Variants in STC2 observed in about 807,000 individuals in gnomAD.
STC2 encodes stanniocalcin-2.
STC2 carries 7 observed loss-of-function variants against 22.7 expected under a neutral mutation model. The observed-to-expected ratio is 0.31, with a 90% CI of 0.18 to 0.58. STC2 has a LOEUF of 0.58. STC2 is among the 20% of genes least tolerant of loss of function. The probability of loss-of-function intolerance (pLI) is 0.89; values close to 1 mark genes in which losing one functional copy is unlikely to be tolerated. For missense variants in STC2, 336 were observed against 406.2 expected (o/e 0.83, Z 1.48); for synonymous variants, 158 against 163.4 (o/e 0.97, Z 0.25).
intron 1 of STC2, among the ~76,000 whole-genome samples, chr5:173,327,202 G>T (rs1404594584): frequency 1.3e-5 from 2 of 152,262 alleles, no homozygotes; most frequent in Non-Finnish European, 2.9e-5. Flanking sequence ...ATTCCAGCTC[G>T]TGCGGTGAGC....
Position 173,325,940 on chromosome 5 carries a change from G to A in STC2, c.222C>T (p.Asn74=), listed in dbSNP as rs1180279135. The change falls in exon 2 of 4, where the codon AAC becomes AAT. Residue 74 remains asparagine (N), a synonymous_variant. Coordinates refer to ENST00000265087, the MANE Select transcript of STC2 (RefSeq NM_003714.3). This position sits in a 1 kb window ranked among gnomAD's most constrained non-coding sequence, Gnocchi z 4.7. ...CATGTAAGCCCCGAATCTCACAAGA[G>A]TTGTTCTCGAAACATTCAAACACGC... The part of the protein sequence containing the change: ...GCGVFECFEN[N]SCEIRGLHGI... 11 of 1,614,186 alleles carry A rather than the reference G, an allele frequency of 6.8e-6. No individual in the cohort carries two copies. The highest frequency in any genetic ancestry group is 9.3e-6 in the Non-Finnish European group (11 of 1,180,044).
intron 3 of STC2, among the ~76,000 whole-genome samples, chr5:173,319,553 C>G (rs1167507598): frequency 6.6e-6 from 1 of 152,218 alleles, no homozygotes; most frequent in Non-Finnish European, 1.5e-5. Context: ...GCCCATGGAG[C>G]CTTTTCTTTG....
At chr5:173,326,944 A>C (rs575557624) in intron 1 of STC2, 5 of 152,238 alleles carry the variant, frequency 3.3e-5, no homozygotes, top group African/African-American at 1.2e-4. Flanking sequence ...GATAACCCGC[A>C]TCAGATTAAA....
Position 173,328,290 on chromosome 5 carries a change from C to A in STC2, c.-97G>T, listed in dbSNP as rs542699526. On this transcript the variant is annotated 5_prime_UTR_variant, in exon 1 of 4. Coordinates refer to ENST00000265087, the MANE Select transcript of STC2 (RefSeq NM_003714.3). ...CTCCTTCGCCGCTTCCCCTCCTCCT[C>A]CCACTCTTCCTTTTTGCTCGCCTTT... 25 of 1,287,380 alleles carry A rather than the reference C, an allele frequency of 1.9e-5. No homozygotes were observed. Among genetic ancestry groups the A allele is most frequent in the Non-Finnish European group, 2.2e-5 (22 of 985,388 alleles). 79.7% of individuals were successfully genotyped at this position (1,287,380 alleles called of 1,614,324 possible). A position where few individuals can be genotyped will look rare whatever the true frequency, so the allele number is the denominator to read the frequency against.
rs114335773 is a variant in STC2, at chr5:173,321,037, G to A, written c.506+2182C>T. On this transcript the variant is annotated intron_variant, in intron 3 of 3. Transcript: ENST00000265087. ...GGGGAGACCCCTGCCTAGAGATGCT[G>A]ACTTAGGGGGAAGCAAGAGGAACAG... Among the ~76,000 whole-genome samples, 779 of 152,154 alleles carry A rather than the reference G, an allele frequency of 5.1e-3. 5 individuals are homozygous for A. The highest frequency in any genetic ancestry group is 0.017 in the African/African-American group (718 of 41,514).
intron 1 of STC2, among the ~76,000 whole-genome samples, chr5:173,326,239 A>G (rs1037098980): frequency 7.9e-5 from 12 of 152,226 alleles, no homozygotes; most frequent in African/African-American, 2.7e-4. Context: ...GAGCCGAAAA[A>G]TTACAAAAAT....
At chr5:173,321,590 C>T (rs1762486354) in intron 3 of STC2, among the ~76,000 whole-genome samples, 1 of 152,206 alleles carries the variant, frequency 6.6e-6, no homozygotes, top group East Asian at 1.9e-4. Flanking sequence ...AGGCTGGGAG[C>T]AGGTTTGAAG....
At position 173,318,020 on chromosome 5, in the gene STC2, GGTGATGTCCTGCTTCCCC is replaced by G. The variant is rs1339152240; in HGVS notation, c.718_735del (p.Gly240_His245del). On this transcript the variant is annotated inframe_deletion, in exon 4 of 4. Coordinates refer to ENST00000265087, the MANE Select transcript of STC2 (RefSeq NM_003714.3). The stretch of plus-strand genomic sequence containing the variant: ...GTCTCCCTACTGCTGGGCTCTGGGA[GGTGATGTCCTGCTTCCCC>G]GTGGTGGGCCCTGGAGAGCTTGGTT... 1 of 1,612,556 alleles carries G rather than the reference GGTGATGTCCTGCTTCCCC, an allele frequency of 6.2e-7. No individual in the cohort carries two copies. The highest frequency in any genetic ancestry group is 8.5e-7 in the Non-Finnish European group (1 of 1,179,586).
At chr5:173,318,679 G>T (rs1483932098) in intron 3 of STC2, among the ~76,000 whole-genome samples, 1 of 152,162 alleles carries the variant, frequency 6.6e-6, no homozygotes, top group Admixed American at 6.5e-5. Context: ...ATGGTGCAGG[G>T]CCTTACATAG....
rs888443358 is a variant in STC2, at chr5:173,315,144, G to T, written c.*2703C>A. On this transcript the variant is annotated 3_prime_UTR_variant, in exon 4 of 4. Coordinates refer to ENST00000265087, the MANE Select transcript of STC2 (RefSeq NM_003714.3). The stretch of plus-strand genomic sequence containing the variant: ...AAAATAAACACTAAATCTTTATTTG[G>T]AGATCCACATCCTTCCTCAAAGGAA... The T allele has an allele frequency of 1.3e-5, 2 of 152,144 alleles. No homozygotes were observed. Among genetic ancestry groups the T allele is most frequent in the Non-Finnish European group, 2.9e-5 (2 of 68,028 alleles). 9.4% of individuals were successfully genotyped at this position (152,144 alleles called of 1,614,324 possible). A position where few individuals can be genotyped will look rare whatever the true frequency, so the allele number is the denominator to read the frequency against.
intron 2 of STC2, chr5:173,324,244 A>G (rs1207247492): frequency 6.6e-6 from 1 of 152,330 alleles, no homozygotes; most frequent in Non-Finnish European, 1.5e-5. Flanking sequence ...TAGAAAGGAG[A>G]CAGCTGTTGG....
chr5:173,317,017 T>G lies in STC2; in HGVS notation c.*830A>C, dbSNP rs199672520. 4 of 139,028 alleles carry G rather than the reference T, an allele frequency of 2.9e-5. No homozygotes were observed. Among genetic ancestry groups the G allele is most frequent in the South Asian group, 2.2e-4 (1 of 4,552 alleles). The allele number at this position is 139,028 out of a possible 1,614,324, so 8.6% of individuals were successfully genotyped here. On this transcript the variant is annotated 3_prime_UTR_variant, in exon 4 of 4. Transcript: ENST00000265087. ...AAATCAGCCTCAAAGGATGGGCTGG[T>G]TTTTTTTTTTTAAACCCCCTTTGAG...
At chr5:173,324,744 C>A (rs976681427) in intron 2 of STC2, among the ~76,000 whole-genome samples, 2 of 152,244 alleles carry the variant, frequency 1.3e-5, no homozygotes, top group Non-Finnish European at 2.9e-5. Flanking sequence ...GCAATCTGTT[C>A]TTGGTATTCT....
In STC2 at chr5:173,315,746, A is replaced by G. The variant is rs1248639421; in HGVS notation, c.*2101T>C. 6.6e-6 allele frequency: 1 copy of G among 152,202 alleles called. No homozygotes were observed. The highest frequency in any genetic ancestry group is 1.5e-5 in the Non-Finnish European group (1 of 68,066). 9.4% of individuals were successfully genotyped at this position (152,202 alleles called of 1,614,324 possible). On this transcript the variant is annotated 3_prime_UTR_variant, in exon 4 of 4. Transcript: ENST00000265087. Reference sequence around the variant, plus strand: ...ACTGCAGGAGACAGCCACGGTTTACACTCGTTCCCATGGCAGAGCCTGACA... The same window carrying G: ...ACTGCAGGAGACAGCCACGGTTTACGCTCGTTCCCATGGCAGAGCCTGACA...
At position 173,318,086 on chromosome 5, in the gene STC2, CG is replaced by C; in HGVS notation, c.669del (p.Glu224SerfsTer133). 3.1e-6 allele frequency: 5 copies of C among 1,606,592 alleles called. No homozygotes were observed. Among genetic ancestry groups the C allele is most frequent in the Non-Finnish European group, 1.7e-6 (2 of 1,177,516 alleles). On this transcript the variant is annotated frameshift_variant, in exon 4 of 4. Transcript: ENST00000265087. LOFTEE classifies it low-confidence loss of function (END_TRUNC). ...GTTCTGTCCACCTGGGGCTGGCGCT[CG>C]GGGGGCGCCGTGGGAGGCTTCTGGA... ...SAIQKPPTAP[P>X]ERQPQVDRTK...
chr5:173,323,183 C>A lies in STC2; in HGVS notation c.506+36G>T, dbSNP rs780335352. On this transcript the variant is annotated intron_variant, in intron 3 of 3. Transcript: ENST00000265087. The surrounding 1 kb of genome is among the most constrained non-coding windows in gnomAD (Gnocchi z 5.4). ...ACACATTGCCATCCTTGCTGGGTGGCCCCTTCACCCAGGCCCTCTGCGGGG... is the reference window on the plus strand; with the variant it reads ...ACACATTGCCATCCTTGCTGGGTGGACCCTTCACCCAGGCCCTCTGCGGGG... 1.0e-5 allele frequency: 16 copies of A among 1,606,490 alleles called. No individual in the cohort carries two copies. Among genetic ancestry groups the A allele is most frequent in the Admixed American group, 1.7e-5 (1 of 59,950 alleles).
At position 173,318,093 on chromosome 5, in the gene STC2, C is replaced by T. The variant is rs746095187; in HGVS notation, c.663G>A (p.Ala221=). 8.7e-6 allele frequency: 14 copies of T among 1,606,806 alleles called. No individual in the cohort carries two copies. The highest frequency in any genetic ancestry group is 1.1e-5 in the Non-Finnish European group (13 of 1,177,566). ...CTSAIQKPPT[A]PPERQPQVDR... is the part of the protein sequence containing the mutation. ...CCACCTGGGGCTGGCGCTCGGGGGGCGCCGTGGGAGGCTTCTGGATGGCCG... is the reference window on the plus strand; with the variant it reads ...CCACCTGGGGCTGGCGCTCGGGGGGTGCCGTGGGAGGCTTCTGGATGGCCG... The change falls in exon 4 of 4, where the codon GCG becomes GCA. Residue 221 remains alanine (A), a synonymous_variant. Transcript: ENST00000265087.
chr5:173,318,023 G>C lies in STC2; in HGVS notation c.733C>G (p.His245Asp). The C allele has an allele frequency of 6.2e-7, 1 of 1,612,574 alleles. No individual in the cohort carries two copies. The highest frequency in any genetic ancestry group is 8.5e-7 in the Non-Finnish European group (1 of 1,179,534). ...TCCCTACTGCTGGGCTCTGGGAGGT[G>C]ATGTCCTGCTTCCCCGTGGTGGGCC... ...SRAHHGEAGH[H>D]LPEPSSRETG... Residue 245 changes from histidine to aspartate, a missense_variant, in exon 4 of 4, where the codon CAC (histidine) becomes GAC (aspartate). Physicochemically the swap from His to Asp is moderately conservative, Grantham distance 81. Transcript: ENST00000265087.
At chr5:173,327,823 C>T (rs1169999301) in intron 1 of STC2, among the ~76,000 whole-genome samples, 6 of 152,362 alleles carry the variant, frequency 3.9e-5, no homozygotes, top group Non-Finnish European at 8.8e-5. Context: ...CCTGCCCCAG[C>T]CATTTCATCA....
Sources: allele counts gnomAD v4.1 joint callset (sites outside exome capture counted in the v4.1 genomes callset), GRCh38; gene constraint gnomAD v4.1.1; non-coding constraint Gnocchi (gnomAD v3.1); transcripts MANE v1.5; gene names NCBI Gene and HGNC (gene_info 2026-07-23, HGNC 2026-07-21).